Variants in ABCA1 observed in about 807,000 individuals in gnomAD.
ABCA1 encodes the protein ATP binding cassette subfamily A member 1.
In ABCA1, 133 loss-of-function variants were observed where a neutral mutation model predicts 262.5. The observed-to-expected ratio is 0.51, with a 90% confidence interval of 0.44 to 0.59. ABCA1 has a LOEUF of 0.59. Among genes scored for constraint, ABCA1 ranks in the 20% least tolerant of loss-of-function variants. The pLI is 0.00. For missense variants in ABCA1, 2,452 were observed against 2,777.5 expected (o/e 0.88, Z 2.63); for synonymous variants, 1,022 against 1,043.5 (o/e 0.98, Z 0.40).
At chr9:104,885,004 G>T (rs532409873) in intron 3 of ABCA1, among the ~76,000 whole-genome samples, 199 of 152,346 alleles carry the variant, frequency 1.3e-3, no homozygotes, top group African/African-American at 4.5e-3. Flanking sequence ...GGGAGGCCAA[G>T]GTGGGCGGAT....
intron 40 of ABCA1, 136 bp from the exon 41 acceptor site, chr9:104,793,436 A>G: frequency 4.0e-6 from 5 of 1,251,450 alleles, no homozygotes; most frequent in Non-Finnish European, 5.7e-6. Flanking sequence ...ATGACAAGGA[A>G]AAAAGAGTAA....
At chr9:104,836,628 A>T (rs986690677) in intron 11 of ABCA1, among the ~76,000 whole-genome samples, 7 of 152,098 alleles carry the variant, frequency 4.6e-5, no homozygotes, top group Admixed American at 4.6e-4. Flanking sequence ...TCTTTCCAAA[A>T]CCTACCAAGA....
intron 9 of ABCA1, among the ~76,000 whole-genome samples, chr9:104,839,314 TAGAG>T (rs1173156905): frequency 2.3e-4 from 35 of 152,174 alleles, no homozygotes; most frequent in Non-Finnish European, 4.6e-4. Flanking sequence ...ACAGTTATCT[TAGAG>T]AGCACAGATC....
intron 7 of ABCA1, among the ~76,000 whole-genome samples, chr9:104,852,829 G>T (rs546607096): frequency 2.0e-5 from 3 of 152,128 alleles, no homozygotes; most frequent in African/African-American, 7.2e-5. Flanking sequence ...GTTCCAGACA[G>T]GAGAACACGA....
At chr9:104,901,068 C>G (rs986101150) in intron 2 of ABCA1, among the ~76,000 whole-genome samples, 2 of 152,202 alleles carry the variant, frequency 1.3e-5, no homozygotes, top group Non-Finnish European at 2.9e-5. Flanking sequence ...AGCAACAAGA[C>G]CAGTGGAGTC....
chr9:104,839,445 G>T (rs1361650059), intron 9 of ABCA1, among the ~76,000 whole-genome samples: 1 of 152,122 alleles, frequency 6.6e-6, no homozygotes. Context: ...TTCCCTGCAG[G>T]GTTATCATGA....
At position 104,816,292 on chromosome 9, in the gene ABCA1, C is replaced by G; in HGVS notation, c.3589G>C (p.Val1197Leu). The G allele has an allele frequency of 6.2e-7, 1 of 1,614,098 alleles. No individual in the cohort carries two copies. Among genetic ancestry groups the G allele is most frequent in the Non-Finnish European group, 8.5e-7 (1 of 1,180,022 alleles). Reference protein sequence around the residue: ...IRKHVSEARLVEDIGHELTYV... With the variant: ...IRKHVSEARLLEDIGHELTYV... The stretch of plus-strand genomic sequence containing the variant: ...GTCAGCTCATGCCCTATGTCTTCCA[C>G]CAGCCGGGCTTCAGACACATGCTTC... Residue 1197 changes from valine (V) to leucine (L), a missense_variant, in exon 25 of 50, where the codon GTG becomes CTG. By Grantham distance (32) the Val-to-Leu change is conservative. Around this residue, in one of 4 missense-constraint regions of ABCA1, gnomAD observed 665 missense variants for 727.3 expected, o/e 0.91. Coordinates refer to ENST00000374736, the MANE Select transcript of ABCA1 (RefSeq NM_005502.4).
rs956187113 is a variant in ABCA1, at chr9:104,830,812, C to G, written c.1892+113G>C. The G allele has an allele frequency of 2.4e-6, 3 of 1,252,286 alleles. No homozygotes were observed. In the African/African-American group the frequency reaches 4.5e-5, roughly 19 times the overall value. 77.6% of individuals were successfully genotyped at this position (1,252,286 alleles called of 1,614,324 possible). A position where few individuals can be genotyped will look rare whatever the true frequency, so the allele number is the denominator to read the frequency against. Reference sequence around the variant, plus strand: ...GGCTGCAACTGTTGACAACTTACATCTGGCATCTTATTTCCAGATCATTCA... The same window carrying G: ...GGCTGCAACTGTTGACAACTTACATGTGGCATCTTATTTCCAGATCATTCA... On this transcript the variant is annotated intron_variant, in intron 14 of 49. Coordinates refer to ENST00000374736, the MANE Select transcript of ABCA1 (RefSeq NM_005502.4).
intron 27 of ABCA1, among the ~76,000 whole-genome samples, chr9:104,813,701 C>T (rs1831481204): frequency 6.6e-6 from 1 of 152,280 alleles, no homozygotes; most frequent in South Asian, 2.1e-4. Flanking sequence ...GCATGAGCCA[C>T]CATGCCCAGC....
rs901751584 is a variant in ABCA1 at position 104,781,947 on chromosome 9, A to G, written c.*2368T>C. On this transcript the variant is annotated 3_prime_UTR_variant, in exon 50 of 50. Transcript: ENST00000374736. ...GGTAACACAGTATTAATGAAGATGTATAACTATAGATTGTTTCTAGCTTCA... is the reference window on the plus strand; with the variant it reads ...GGTAACACAGTATTAATGAAGATGTGTAACTATAGATTGTTTCTAGCTTCA... 8 of 152,206 alleles carry G rather than the reference A, an allele frequency of 5.3e-5. No homozygotes were observed. Among genetic ancestry groups the G allele is most frequent in the African/African-American group, 1.7e-4 (7 of 41,470 alleles). 9.4% of individuals were successfully genotyped at this position (152,206 alleles called of 1,614,324 possible).
intron 5 of ABCA1, among the ~76,000 whole-genome samples, chr9:104,880,821 G>A (rs1838576410): frequency 6.6e-6 from 1 of 152,054 alleles, no homozygotes; most frequent in South Asian, 2.1e-4. Context: ...TTTAGATACA[G>A]ATTTGGCTTC....
At chr9:104,790,684 A>T (rs1040701187) in intron 44 of ABCA1, among the ~76,000 whole-genome samples, 1 of 152,212 alleles carries the variant, frequency 6.6e-6, no homozygotes, top group African/African-American at 2.4e-5. Context: ...ATTGTATGTA[A>T]ATTATACCTG....
At chr9:104,921,453 T>C (rs1460600908) in intron 1 of ABCA1, among the ~76,000 whole-genome samples, 1 of 152,224 alleles carries the variant, frequency 6.6e-6, no homozygotes, top group Non-Finnish European at 1.5e-5. Flanking sequence ...CAACTCAAAG[T>C]ACTTGAATAT....
intron 45 of ABCA1, 83 bp from the exon 46 acceptor site, chr9:104,788,137 T>C: frequency 1.4e-6 from 2 of 1,427,068 alleles, no homozygotes; most frequent in South Asian, 2.3e-5. Flanking sequence ...ATGAAAGTTC[T>C]TTCACTGAGT....
intron 7 of ABCA1, 67 bp downstream of exon 7, chr9:104,858,455 C>T: frequency 6.6e-7 from 1 of 1,526,144 alleles, no homozygotes; most frequent in Non-Finnish European, 9.1e-7. Context: ...TCATGCTGTC[C>T]AAGGAAAAGC....
chr9:104,885,015 C>G (rs562843611), intron 3 of ABCA1, among the ~76,000 whole-genome samples: 4 of 152,294 alleles, frequency 2.6e-5, no homozygotes, highest in Admixed American at 2.6e-4. Context: ...GTGGGCGGAT[C>G]ACCTGAGGTC....
Position 104,927,291 on chromosome 9 carries a change from A to T in ABCA1, c.-93+644T>A, listed in dbSNP as rs147366217. On this transcript the variant is annotated intron_variant, in intron 1 of 49. Transcript: ENST00000374736. ...CACCAGCTCAGCTGAGCGCACGGAG[A>T]CTGTAGGCAGGACCTCCCTACCCCT... Among the ~76,000 whole-genome samples the T allele has an allele frequency of 3.5e-3, 529 of 152,074 alleles. 6 individuals carry two copies. Among genetic ancestry groups the T allele is most frequent in the Admixed American group, 2.7e-3 (41 of 15,280 alleles).
intron 17 of ABCA1, 118 bp downstream of exon 17, chr9:104,825,565 A>C (rs191562599): frequency 2.0e-6 from 2 of 978,672 alleles, no homozygotes; most frequent in Admixed American, 1.9e-5. Flanking sequence ...TCTGTTTACT[A>C]TAGATCTATA....
intron 2 of ABCA1, among the ~76,000 whole-genome samples, chr9:104,891,538 G>A (rs1195282883): frequency 2.6e-5 from 4 of 152,074 alleles, no homozygotes; most frequent in Admixed American, 2.6e-4. Context: ...TAAGGCAGGA[G>A]AATCACTCGA....
Sources: allele counts gnomAD v4.1 joint callset (sites outside exome capture counted in the v4.1 genomes callset), GRCh38; gene constraint gnomAD v4.1.1; regional missense constraint gnomAD v4.1.1; transcripts MANE v1.5; gene names NCBI Gene and HGNC (gene_info 2026-07-23, HGNC 2026-07-21).